The following VWF variants were observed in gnomAD, a reference collection of about 807,000 sequenced individuals.
VWF encodes the protein Factor VIII related antigen.
A neutral mutation model predicts 308.6 loss-of-function variants in VWF; 176 were observed. That is an observed-to-expected ratio of 0.57 (90% CI 0.50 to 0.65). VWF has a LOEUF of 0.65. Among genes scored for constraint, VWF ranks in the 30% least tolerant of loss-of-function variants. The pLI is 0.00. For missense variants in VWF, 3,146 were observed against 3,648.2 expected (o/e 0.86, Z 3.55); for synonymous variants, 1,385 against 1,443.4 (o/e 0.96, Z 0.92).
At chr12:6,110,811 G>C (rs1945299852) in intron 4 of VWF, 55 bp downstream of exon 4, 1 of 1,555,490 alleles carries the variant, frequency 6.4e-7, no homozygotes, top group South Asian at 1.1e-5. Flanking sequence ...AAAAATGAGG[G>C]GGTTGTGTCA....
intron 3 of VWF, among the ~76,000 whole-genome samples, chr12:6,112,969 G>C (rs1456374123): frequency 2.0e-5 from 3 of 152,110 alleles, no homozygotes; most frequent in African/African-American, 7.2e-5. Context: ...TTCAGTGAGG[G>C]CTCTCCCACG....
Position 6,044,389 on chromosome 12 carries a change from G to A in VWF, c.2344C>T (p.Arg782Trp), listed in dbSNP as rs61748471. Reference protein sequence around the residue: ...VKLVCPADNLRAEGLECTKTC... With the variant: ...VKLVCPADNLWAEGLECTKTC... ...TTGGTACACTCGAGCCCTTCAGCCC[G>A]CAGGTTGTCAGCGGGACACACCAGC... is the stretch of plus-strand genomic sequence containing the variant. The change falls in exon 18 of 52, where the codon CGG (arginine) becomes TGG (tryptophan). Residue 782 changes from arginine (R) to tryptophan (W), a missense_variant. Physicochemically the swap from Arg to Trp is moderately radical, Grantham distance 101. This residue lies in a region of VWF where 1,304 missense variants were observed against 1,353.0 expected (regional missense o/e 0.96). Coordinates refer to ENST00000261405, the MANE Select transcript of VWF (RefSeq NM_000552.5). 3.4e-5 allele frequency: 55 copies of A among 1,614,072 alleles called. No homozygotes were observed. The African/African-American group carries it at 4.5e-4, about 13-fold the overall frequency.
At chr12:6,077,660 T>A (rs1357497607) in intron 6 of VWF, among the ~76,000 whole-genome samples, 1 of 152,178 alleles carries the variant, frequency 6.6e-6, no homozygotes, top group Non-Finnish European at 1.5e-5. Flanking sequence ...CACGTGAAGA[T>A]GCCACAATGC....
chr12:6,061,186 G>C lies in VWF; in HGVS notation c.1533+1768C>G, dbSNP rs539904397. The stretch of plus-strand genomic sequence containing the variant: ...ACTGCCCTCCAGCCTGGGCAACAGA[G>C]TGAGACCCTCTCTCAAAAAACAAAA... On this transcript the variant is annotated intron_variant, in intron 13 of 51. Transcript: ENST00000261405. 2.0e-5 allele frequency among the ~76,000 whole-genome samples: 3 copies of C among 152,240 alleles called. No homozygotes were observed. The South Asian group carries it at 6.2e-4, about 32-fold the overall frequency.
chr12:6,111,106 C>A (rs1945303948), intron 3 of VWF, 138 bp from the exon 4 acceptor site: 4 of 739,530 alleles, frequency 5.4e-6, no homozygotes, highest in Non-Finnish European at 6.9e-6. Context: ...CAACAAAAAT[C>A]TCCCTAAAAA....
Position 6,056,756 on chromosome 12 carries a change from C to T in VWF, c.1945+101G>A, listed in dbSNP as rs911458404. 5 of 1,070,844 alleles carry T rather than the reference C, an allele frequency of 4.7e-6. No individual in the cohort carries two copies. The African/African-American group carries it at 5.0e-5, about 11-fold the overall frequency. 66.3% of individuals were successfully genotyped at this position (1,070,844 alleles called of 1,614,324 possible). A position where few individuals can be genotyped will look rare whatever the true frequency, so the allele number is the denominator to read the frequency against. Reference sequence around the variant, plus strand: ...CCGTGTTTGTCACAATGCCCTACGCCCTCTTTCCACAGGAAACAACGCAGA... The same window carrying T: ...CCGTGTTTGTCACAATGCCCTACGCTCTCTTTCCACAGGAAACAACGCAGA... On this transcript the variant is annotated intron_variant, in intron 15 of 51. Coordinates refer to ENST00000261405, the MANE Select transcript of VWF (RefSeq NM_000552.5).
Position 6,023,746 on chromosome 12 carries a change from G to C in VWF, c.3264C>G (p.Thr1088=). The C allele has an allele frequency of 6.2e-7, 1 of 1,613,490 alleles. No individual in the cohort carries two copies. The highest frequency in any genetic ancestry group is 2.2e-5 in the East Asian group (1 of 44,886). ...EPYLDVCIYD[T]CSCESIGDCA... is the part of the protein sequence containing the mutation. ...AGTCCCCAATGGACTCACAGGAGCA[G>C]GTGTCGTAAATGCAGACATCCAGAT... The change falls in exon 25 of 52, where the codon ACC becomes ACG. Residue 1088 remains threonine (T), a synonymous_variant. Coordinates refer to ENST00000261405, the MANE Select transcript of VWF (RefSeq NM_000552.5).
chr12:6,051,283 T>C (rs1378722758), intron 16 of VWF, among the ~76,000 whole-genome samples: 4 of 109,732 alleles, frequency 3.6e-5, no homozygotes, highest in Non-Finnish European at 7.3e-5. Context: ...GACTTCTTTT[T>C]TTCTTTTTTT....
chr12:5,972,622 C>G (rs1033376824), intron 43 of VWF, among the ~76,000 whole-genome samples: 1 of 152,214 alleles, frequency 6.6e-6, no homozygotes, highest in African/African-American at 2.4e-5. Context: ...GGTCTCAACA[C>G]TCCTGAGACT....
At chr12:6,103,454 A>ATG in intron 5 of VWF, among the ~76,000 whole-genome samples, 1 of 94,076 alleles carries the variant, frequency 1.1e-5, no homozygotes, top group Middle Eastern at 6.5e-3. Flanking sequence ...ATACACATAT[A>ATG]TGTGTATATA....
Position 6,029,471 on chromosome 12 carries a change from G to A in VWF, c.2838C>T (p.Pro946=). 1.2e-6 allele frequency: 2 copies of A among 1,614,080 alleles called. No homozygotes were observed. Among genetic ancestry groups the A allele is most frequent in the Non-Finnish European group, 1.7e-6 (2 of 1,180,014 alleles). ...LFDGEVNVKR[P]MKDETHFEVV... is the part of the protein sequence containing the mutation. ...CCTCAAAGTGAGTCTCATCCTTCAT[G>A]GGCCTCTTCACATTCACCTGGAGGA... Residue 946 remains proline, a synonymous_variant, in exon 22 of 52, where the codon CCC becomes CCT. Transcript: ENST00000261405.
chr12:5,952,741 C>T (rs956111511), intron 48 of VWF, among the ~76,000 whole-genome samples: 19 of 152,166 alleles, frequency 1.2e-4, no homozygotes, highest in East Asian at 5.8e-4. Flanking sequence ...TAGACTCTTC[C>T]GACCAGTTAA....
chr12:6,083,924 T>C (rs2136484562), intron 6 of VWF, among the ~76,000 whole-genome samples: 1 of 152,292 alleles, frequency 6.6e-6, no homozygotes, highest in Admixed American at 6.5e-5. Flanking sequence ...TGCCTGAAGC[T>C]TGAGCCGGCG....
At chr12:5,958,746 G>A (rs1391247312) in intron 47 of VWF, among the ~76,000 whole-genome samples, 1 of 152,102 alleles carries the variant, frequency 6.6e-6, no homozygotes, top group East Asian at 1.9e-4. Context: ...GCAGGGAAAG[G>A]ATTTTTACCT....
At chr12:6,122,606 C>T (rs986785922) in intron 2 of VWF, 14 of 365,334 alleles carry the variant, frequency 3.8e-5, no homozygotes, top group African/African-American at 2.7e-4. Flanking sequence ...AAGTGGAAAG[C>T]GCCCAAGGTC....
chr12:6,028,339 G>C (rs1944218566), intron 22 of VWF, among the ~76,000 whole-genome samples: 1 of 152,196 alleles, frequency 6.6e-6, no homozygotes, highest in Admixed American at 6.6e-5. Flanking sequence ...TGCATGATTG[G>C]TTTGCTGCTG....
At position 5,996,109 on chromosome 12, in the gene VWF, C is replaced by T. The variant is rs1173806793; in HGVS notation, c.5956G>A (p.Val1986Met). The change falls in exon 35 of 52, where the codon GTG (valine) becomes ATG (methionine). Residue 1986 changes from valine (V) to methionine (M), a missense_variant. Val to Met is a conservative substitution (Grantham distance 21). Transcript: ENST00000261405. ...LFQNKEQDLEVILHNGACSPG... is the reference protein window; with the variant it reads ...LFQNKEQDLEMILHNGACSPG... ...CTGCAGGCACCATTATGGAGAATCACCTCCAGGTCCTGCTCCTTGTTTTGA... is the reference window on the plus strand; with the variant it reads ...CTGCAGGCACCATTATGGAGAATCATCTCCAGGTCCTGCTCCTTGTTTTGA... The T allele has an allele frequency of 6.2e-7, 1 of 1,614,114 alleles. No homozygotes were observed. The highest frequency in any genetic ancestry group is 1.7e-4 in the Middle Eastern group (1 of 6,036).
chr12:6,064,295 C>T lies in VWF; in HGVS notation c.1383G>A (p.Gly461=), dbSNP rs1944687495. ...LHNSLVKLKH[G]AGVAMDGQDV... ...CCTGGCCATCCATGGCAACTCCTGC[C>T]CCATGCTTCAGTTTCACAAGGCTGT... The change falls in exon 12 of 52, where the codon GGG becomes GGA. Residue 461 remains glycine, a synonymous_variant. Transcript: ENST00000261405. 3.7e-6 allele frequency: 6 copies of T among 1,614,006 alleles called. No individual in the cohort carries two copies. Among genetic ancestry groups the T allele is most frequent in the Non-Finnish European group, 5.1e-6 (6 of 1,180,038 alleles).
intron 8 of VWF, 59 bp from the exon 9 acceptor site, chr12:6,072,501 C>T: frequency 7.3e-7 from 1 of 1,378,328 alleles, no homozygotes; most frequent in South Asian, 1.2e-5. Context: ...ACTCATCCCA[C>T]AACTATAGAA....
Sources: gnomAD v4.1 joint callset for allele counts (sites outside exome capture counted in the v4.1 genomes callset) on GRCh38, gnomAD v4.1.1 for gene constraint, gnomAD v4.1.1 regional missense constraint, MANE v1.5 for transcripts, NCBI Gene and HGNC (gene_info 2026-07-23, HGNC 2026-07-21) for gene names.